Variants in AOX1 observed in about 807,000 individuals in gnomAD.
AOX1 encodes aldehyde oxidase 1.
Under a neutral mutation model 169.5 loss-of-function variants are expected in AOX1, and 153 were observed. The ratio of observed to expected loss-of-function variants is 0.90; its 90% CI spans 0.79 to 1.03. The LOEUF is 1.03. Ranked by LOEUF, AOX1 falls within the 50% of genes least tolerant of loss-of-function variation. The pLI is 0.00. For synonymous variants in AOX1, 562 were observed against 581.9 expected (o/e 0.97, Z 0.49); for missense variants, 1,656 against 1,663.9 (o/e 1.00, Z 0.08).
intron 14 of AOX1, 134 bp from the exon 15 acceptor site, chr2:200,613,670 A>G: frequency 1.2e-6 from 1 of 844,782 alleles, no homozygotes; most frequent in Admixed American, 3.2e-5. Context: ...GGCCAATTTG[A>G]ACTCGGGCTG....
At chr2:200,631,556 T>C (rs893842252) in intron 20 of AOX1, among the ~76,000 whole-genome samples, 1 of 152,170 alleles carries the variant, frequency 6.6e-6, no homozygotes, top group East Asian at 1.9e-4. Context: ...CCTAAACCCA[T>C]ACTGGGATAA....
intron 25 of AOX1, among the ~76,000 whole-genome samples, chr2:200,648,722 G>A (rs2035517572): frequency 6.6e-6 from 1 of 152,200 alleles, no homozygotes; most frequent in Non-Finnish European, 1.5e-5. Flanking sequence ...GGCAGGGCTA[G>A]GCATGTCTGA....
intron 15 of AOX1, 65 bp from the exon 16 acceptor site, chr2:200,615,906 C>A: frequency 8.2e-7 from 1 of 1,216,486 alleles, no homozygotes; most frequent in Non-Finnish European, 1.2e-6. Flanking sequence ...ATGCTAGCCT[C>A]ACTTCCAAAA....
downstream of AOX1, chr2:200,681,509 A>G (rs1017098867): frequency 3.9e-5 from 6 of 152,644 alleles, no homozygotes; most frequent in African/African-American, 1.4e-4. Context: ...TAACCTCTTC[A>G]ACTGTAGAAG....
At chr2:200,600,918 G>A (rs1445191241) in intron 5 of AOX1, among the ~76,000 whole-genome samples, 1 of 152,032 alleles carries the variant, frequency 6.6e-6, no homozygotes, top group African/African-American at 2.4e-5. Context: ...TCAGATTTAG[G>A]GGTGGAGGAG....
downstream of AOX1, among the ~76,000 whole-genome samples, chr2:200,677,632 A>G (rs1426590607): frequency 3.3e-5 from 5 of 152,208 alleles, no homozygotes; most frequent in African/African-American, 1.2e-4. Flanking sequence ...ACATTTTAAC[A>G]TGTTGTCCTT....
rs1047170031 is a variant in AOX1 at position 200,629,255 on chromosome 2, T to G, written c.2221+1806T>G. Among the ~76,000 whole-genome samples, 13 of 152,222 alleles carry G rather than the reference T, an allele frequency of 8.5e-5. No individual in the cohort carries two copies. The East Asian group carries it at 2.5e-3, about 29-fold the overall frequency. ...GCTGTGTAACCTGGCAGGGCACTTC[T>G]CAGGGCTCAGTCTCCCTGTTTTAAT... On this transcript the variant is annotated intron_variant, in intron 20 of 34. Coordinates refer to ENST00000374700, the MANE Select transcript of AOX1 (RefSeq NM_001159.4).
At chr2:200,601,997 G>A (rs917694954) in intron 5 of AOX1, among the ~76,000 whole-genome samples, 1 of 151,842 alleles carries the variant, frequency 6.6e-6, no homozygotes, top group African/African-American at 2.4e-5. Flanking sequence ...TGACTGTAGA[G>A]CAAGTTTTTG....
At chr2:200,654,006 C>G (rs1156867137) in intron 26 of AOX1, among the ~76,000 whole-genome samples, 1 of 151,976 alleles carries the variant, frequency 6.6e-6, no homozygotes, top group Non-Finnish European at 1.5e-5. Flanking sequence ...TCCCCCATTT[C>G]TCTCCCTCTC....
chr2:200,605,516 T>C lies in AOX1; in HGVS notation c.815-20T>C. On this transcript the variant is annotated intron_variant, in intron 9 of 34. Transcript: ENST00000374700. Reference sequence around the variant, plus strand: ...CTTTATTCTAGTCTTATTGATTTTTTTTTTTTTTTGATCCTTTAGGGCCTG... The same window carrying C: ...CTTTATTCTAGTCTTATTGATTTTTCTTTTTTTTTGATCCTTTAGGGCCTG... 1 of 1,374,680 alleles carries C rather than the reference T, an allele frequency of 7.3e-7. No homozygotes were observed. The highest frequency in any genetic ancestry group is 2.4e-5 in the Admixed American group (1 of 41,696). 85.2% of individuals were successfully genotyped at this position (1,374,680 alleles called of 1,614,324 possible).
chr2:200,597,274 G>T, intron 3 of AOX1, 123 bp from the exon 4 acceptor site: 1 of 570,382 alleles, frequency 1.8e-6, no homozygotes, highest in Non-Finnish European at 3.0e-6. Flanking sequence ...GGAAATGTAT[G>T]TGTAAAACCT....
At chr2:200,657,190 A>ATATATATATATATTTTTTTT in intron 27 of AOX1, among the ~76,000 whole-genome samples, 18 of 62,868 alleles carry the variant, frequency 2.9e-4, no homozygotes, top group African/African-American at 1.0e-3. Flanking sequence ...ATATATATAT[A>ATATATATATATATTTTTTTT]TTTTTTTTTT....
intron 1 of AOX1, among the ~76,000 whole-genome samples, chr2:200,591,549 G>A (rs2106364366): frequency 6.6e-6 from 1 of 152,262 alleles, no homozygotes; most frequent in African/African-American, 2.4e-5. Context: ...ATTTCTTCTT[G>A]TATTCCGGAA....
chr2:200,602,654 C>A (rs942203139), intron 6 of AOX1, among the ~76,000 whole-genome samples: 2 of 152,076 alleles, frequency 1.3e-5, no homozygotes, highest in African/African-American at 2.4e-5. Context: ...TAGCCCTCTG[C>A]GAACATGTGA....
At chr2:200,599,007 A>G (rs995716148) in intron 4 of AOX1, among the ~76,000 whole-genome samples, 1 of 152,192 alleles carries the variant, frequency 6.6e-6, no homozygotes. Context: ...ATACACAGGC[A>G]TACAATACCC....
rs1333601255 is a variant in AOX1, at chr2:200,611,510, G to A, written c.1263+17G>A. The A allele has an allele frequency of 6.6e-7, 1 of 1,517,378 alleles. No individual in the cohort carries two copies. Among genetic ancestry groups the A allele is most frequent in the South Asian group, 1.1e-5 (1 of 89,040 alleles). The allele number at this position is 1,517,378 out of a possible 1,614,324, so 94.0% of individuals were successfully genotyped here. A position where few individuals can be genotyped will look rare whatever the true frequency, so the allele number is the denominator to read the frequency against. On this transcript the variant is annotated intron_variant, in intron 13 of 34. Coordinates refer to ENST00000374700, the MANE Select transcript of AOX1 (RefSeq NM_001159.4). Reference sequence around the variant, plus strand: ...TCAAGGAAGGTGAGAACATCCCACTGTCAATTTCCCAGTTGCACCTGTGAT... The same window carrying A: ...TCAAGGAAGGTGAGAACATCCCACTATCAATTTCCCAGTTGCACCTGTGAT...
intron 10 of AOX1, among the ~76,000 whole-genome samples, chr2:200,608,638 A>C (rs376830051): frequency 3.1e-4 from 47 of 152,296 alleles, no homozygotes; most frequent in African/African-American, 1.1e-3. Flanking sequence ...TATCTAAAGC[A>C]TTCAACATAA....
intron 25 of AOX1, among the ~76,000 whole-genome samples, chr2:200,643,412 T>C (rs931299270): frequency 4.7e-5 from 7 of 149,998 alleles, no homozygotes; most frequent in South Asian, 2.1e-4. Flanking sequence ...TATATATATA[T>C]ACATACATAC....
At chr2:200,622,363 A>C (rs1254300753) in intron 18 of AOX1, among the ~76,000 whole-genome samples, 2 of 152,224 alleles carry the variant, frequency 1.3e-5, no homozygotes, top group African/African-American at 2.4e-5. Flanking sequence ...CAAATGATTA[A>C]AACTTTGGCT....
Sources: allele counts gnomAD v4.1 joint callset (sites outside exome capture counted in the v4.1 genomes callset), GRCh38; gene constraint gnomAD v4.1.1; transcripts MANE v1.5; gene names NCBI Gene and HGNC (gene_info 2026-07-23, HGNC 2026-07-21).